Variants in GRAMD1B observed in about 807,000 individuals in gnomAD.
The protein encoded by GRAMD1B is protein Aster-B.
In GRAMD1B, 37 loss-of-function variants were observed where a neutral mutation model predicts 99.7. The ratio of observed to expected loss-of-function variants is 0.37; its 90% CI spans 0.29 to 0.49. The LOEUF is 0.49. Ranked by LOEUF, GRAMD1B falls within the 20% of genes least tolerant of loss-of-function variation. The pLI, the probability that GRAMD1B is intolerant of heterozygous loss-of-function variation, is 0.98. For missense variants in GRAMD1B, 888 were observed against 1,009.2 expected, an observed-to-expected ratio of 0.88 and a Z score of 1.63; for synonymous variants, 427 against 387.6, an observed-to-expected ratio of 1.10 and a Z score of -1.19.
At chr11:123,399,161 A>G (rs1190813578) in intron 1 of GRAMD1B, among the ~76,000 whole-genome samples, 1 of 152,152 alleles carries the variant, frequency 6.6e-6, no homozygotes, top group Non-Finnish European at 1.5e-5. Context: ...TTTAGATTCC[A>G]TATATAAGTG....
chr11:123,383,785 C>CATGAATATATATATATATAT (rs1311501049), intron 1 of GRAMD1B, among the ~76,000 whole-genome samples: 56 of 150,102 alleles, frequency 3.7e-4, no homozygotes, highest in African/African-American at 1.4e-3. Flanking sequence ...TTGTTCCCTT[C>CATGAATATATATATATATAT]ATGAATATAT....
At chr11:123,582,481 A>T (rs2136303394) in intron 3 of GRAMD1B, among the ~76,000 whole-genome samples, 1 of 152,244 alleles carries the variant, frequency 6.6e-6, no homozygotes, top group East Asian at 1.9e-4. Context: ...TGGCCTCTGG[A>T]TGGACCGTGG....
At chr11:123,620,312 C>G (rs1355930345) in intron 19 of GRAMD1B, among the ~76,000 whole-genome samples, 2 of 151,724 alleles carry the variant, frequency 1.3e-5, no homozygotes. Context: ...TGTCTCTACT[C>G]AAAATATAAA....
rs1046601664 is a variant in GRAMD1B, at chr11:123,537,107, G to A, written c.453-40260G>A. 2.0e-5 allele frequency among the ~76,000 whole-genome samples: 3 copies of A among 152,184 alleles called. 1 individual carries two copies. In the South Asian group the frequency reaches 6.2e-4, roughly 32 times the overall value. ...ACTGACATTTCTTGAGTATCTACTG[G>A]GCTAGGTGGCAAGCATAAAAGGATG... On this transcript the variant is annotated intron_variant, in intron 2 of 19. Transcript: ENST00000635736.
intron 2 of GRAMD1B, among the ~76,000 whole-genome samples, chr11:123,530,345 G>A (rs1298240254): frequency 2.0e-5 from 3 of 152,014 alleles, no homozygotes; most frequent in Non-Finnish European, 4.4e-5. Flanking sequence ...GCTGTTGCCT[G>A]GACCAAATTA....
intron 1 of GRAMD1B, among the ~76,000 whole-genome samples, chr11:123,385,366 T>C (rs1050295428): frequency 2.0e-5 from 3 of 152,184 alleles, no homozygotes; most frequent in African/African-American, 7.2e-5. Flanking sequence ...GATATGACCA[T>C]GCCATTCTCC....
rs149983762 is a variant in GRAMD1B, at chr11:123,456,748, C to G, written c.375-24068C>G. On this transcript the variant is annotated intron_variant, in intron 1 of 19. Coordinates refer to ENST00000635736, the MANE Select transcript of GRAMD1B (RefSeq NM_001387025.1). ...CAGACTGGTCAAAATGATGAAACTC[C>G]GTCTCTACTAAATATACAAAAATTA... Among the ~76,000 whole-genome samples, 1,305 of 151,730 alleles carry G rather than the reference C, an allele frequency of 8.6e-3. 24 individuals are homozygous for G. The highest frequency in any genetic ancestry group is 0.03 in the African/African-American group (1,238 of 41,398).
At chr11:123,580,794 A>G (rs1949266601) in intron 3 of GRAMD1B, among the ~76,000 whole-genome samples, 1 of 151,968 alleles carries the variant, frequency 6.6e-6, no homozygotes, top group Admixed American at 6.5e-5. Flanking sequence ...TGAGGGCGCT[A>G]TGCAGCAGGT....
chr11:123,372,432 G>A (rs950544498), intron 1 of GRAMD1B, among the ~76,000 whole-genome samples: 3 of 152,210 alleles, frequency 2.0e-5, no homozygotes, highest in Admixed American at 6.5e-5. Context: ...CTGTCTGGGA[G>A]TAGGTTTGGG....
At chr11:123,583,989 TC>T (rs956939091) in intron 3 of GRAMD1B, among the ~76,000 whole-genome samples, 1 of 152,082 alleles carries the variant, frequency 6.6e-6, no homozygotes, top group Non-Finnish European at 1.5e-5. Flanking sequence ...GGACTGGGTC[TC>T]CAATGCCCAC....
chr11:123,609,318 C>T (rs1953205882), intron 12 of GRAMD1B, among the ~76,000 whole-genome samples: 1 of 152,136 alleles, frequency 6.6e-6, no homozygotes, highest in Non-Finnish European at 1.5e-5. Context: ...TGTGCTTCTG[C>T]CTCCTCCCCT....
At chr11:123,513,715 G>T (rs1413373625) in intron 2 of GRAMD1B, among the ~76,000 whole-genome samples, 1 of 150,666 alleles carries the variant, frequency 6.6e-6, no homozygotes, top group Non-Finnish European at 1.5e-5. Flanking sequence ...GGAGTGCAGT[G>T]GTGCGATCAT....
At chr11:123,377,670 A>G (rs1946733819) in intron 1 of GRAMD1B, among the ~76,000 whole-genome samples, 4 of 152,200 alleles carry the variant, frequency 2.6e-5, no homozygotes, top group Non-Finnish European at 1.5e-5. Context: ...TCTGAACTAG[A>G]CGTGCTCCCT....
chr11:123,476,734 C>G (rs536408353), intron 1 of GRAMD1B, among the ~76,000 whole-genome samples: 1 of 152,200 alleles, frequency 6.6e-6, no homozygotes, highest in Non-Finnish European at 1.5e-5. Flanking sequence ...TCTCCTAGCA[C>G]AGTGCTGGGT....
At chr11:123,412,339 C>T (rs1039096337) in intron 1 of GRAMD1B, among the ~76,000 whole-genome samples, 4 of 152,184 alleles carry the variant, frequency 2.6e-5, no homozygotes, top group Admixed American at 2.6e-4. Flanking sequence ...TTGTTGTGTG[C>T]CTATCATGTG....
intron 2 of GRAMD1B, among the ~76,000 whole-genome samples, chr11:123,527,357 T>C (rs910775347): frequency 3.3e-5 from 5 of 152,188 alleles, no homozygotes; most frequent in African/African-American, 1.2e-4. Flanking sequence ...CCTCCTCCTG[T>C]AGGGAACAGG....
intron 4 of GRAMD1B, among the ~76,000 whole-genome samples, chr11:123,589,185 C>T (rs1950368947): frequency 6.6e-6 from 1 of 151,494 alleles, no homozygotes; most frequent in Admixed American, 6.6e-5. Flanking sequence ...TAGGGATGCT[C>T]AACCTGTCCT....
At chr11:123,608,410 A>T in intron 11 of GRAMD1B, 1 of 1,203,794 alleles carries the variant, frequency 8.3e-7, no homozygotes, top group Admixed American at 2.5e-5. Context: ...TACATTCCCA[A>T]ACACTTTGTA....
intron 2 of GRAMD1B, among the ~76,000 whole-genome samples, chr11:123,524,090 T>C (rs1307004157): frequency 3.3e-5 from 5 of 152,192 alleles, no homozygotes; most frequent in African/African-American, 1.2e-4. Context: ...ACGTGGACAT[T>C]GGAGAGATAA....
Sources: gnomAD v4.1 joint callset for allele counts (sites outside exome capture counted in the v4.1 genomes callset) on GRCh38, gnomAD v4.1.1 for gene constraint, MANE v1.5 for transcripts, NCBI Gene and HGNC (gene_info 2026-07-23, HGNC 2026-07-21) for gene names.